Variants in HSF2BP observed in about 807,000 individuals in gnomAD.
HSF2BP encodes the protein heat shock factor 2-binding protein.
HSF2BP carries 35 observed loss-of-function variants against 35.0 expected under a neutral mutation model. The ratio of observed to expected loss-of-function variants is 1.00; its 90% CI spans 0.76 to 1.32. The LOEUF (loss-of-function observed/expected upper bound fraction) is 1.32, where lower values mean the gene tolerates loss of function less well. Ranked by LOEUF, HSF2BP falls within the 40% of genes most tolerant of loss-of-function variation. The probability of loss-of-function intolerance (pLI) is 0.00; values close to 1 mark genes in which losing one functional copy is unlikely to be tolerated. For synonymous variants in HSF2BP, 114 were observed against 117.4 expected, an observed-to-expected ratio of 0.97 and a Z score of 0.18; for missense variants, 326 against 321.7, an observed-to-expected ratio of 1.01 and a Z score of -0.10.
intron 8 of HSF2BP, among the ~76,000 whole-genome samples, chr21:43,573,086 C>T (rs1054984950): frequency 6.6e-6 from 1 of 152,176 alleles, no homozygotes; most frequent in Non-Finnish European, 1.5e-5. Flanking sequence ...AATGAAAGAA[C>T]GTGTGTGTCC....
chr21:43,631,574 C>T (rs1241253951), intron 5 of HSF2BP, among the ~76,000 whole-genome samples: 3 of 152,128 alleles, frequency 2.0e-5, no homozygotes, highest in Non-Finnish European at 4.4e-5. Context: ...TAAAATTCTG[C>T]TCTTATCCTA....
the HSF2BP span, among the ~76,000 whole-genome samples, chr21:43,498,484 ACTGGCC>A: frequency 3.4e-3 from 140 of 40,794 alleles, 5 homozygotes; most frequent in Middle Eastern, 9.6e-3. Flanking sequence ...AGACACAGCC[ACTGGCC>A]CTGGCCCTGG....
intron 6 of HSF2BP, among the ~76,000 whole-genome samples, chr21:43,617,670 G>A (rs1457742199): frequency 6.6e-6 from 1 of 151,832 alleles, no homozygotes; most frequent in Admixed American, 6.6e-5. Context: ...TTCAAGAAAT[G>A]GGGCCAGGTA....
intron 6 of HSF2BP, among the ~76,000 whole-genome samples, chr21:43,623,862 T>A (rs1367793827): frequency 6.6e-6 from 1 of 152,154 alleles, no homozygotes; most frequent in Non-Finnish European, 1.5e-5. Flanking sequence ...CAAACTAACC[T>A]CACCTTTCAG....
At chr21:43,640,727 C>T (rs1382866581) in intron 4 of HSF2BP, among the ~76,000 whole-genome samples, 8 of 151,784 alleles carry the variant, frequency 5.3e-5, no homozygotes, top group Non-Finnish European at 1.2e-4. Flanking sequence ...CTTTTTGAAA[C>T]TTCTAGTGAA....
intron 8 of HSF2BP, among the ~76,000 whole-genome samples, chr21:43,579,354 G>A (rs186928160): frequency 1.2e-4 from 19 of 152,078 alleles, no homozygotes; most frequent in African/African-American, 3.9e-4. Context: ...GTGGCTTACA[G>A]TAAAACAAAC....
At chr21:43,588,138 G>C (rs1260173542) in intron 8 of HSF2BP, among the ~76,000 whole-genome samples, 1 of 152,178 alleles carries the variant, frequency 6.6e-6, no homozygotes, top group Non-Finnish European at 1.5e-5. Flanking sequence ...GGCACTCCGA[G>C]AGGCCGAGGC....
intron 4 of HSF2BP, among the ~76,000 whole-genome samples, chr21:43,639,956 T>C (rs963504751): frequency 6.6e-6 from 1 of 152,154 alleles, no homozygotes; most frequent in African/African-American, 2.4e-5. Flanking sequence ...CCATGGAATA[T>C]GAGGCAATAA....
At chr21:43,585,792 G>C (rs982086078) in intron 8 of HSF2BP, among the ~76,000 whole-genome samples, 7 of 152,162 alleles carry the variant, frequency 4.6e-5, no homozygotes, top group African/African-American at 1.7e-4. Flanking sequence ...ATCACTCGAA[G>C]GTTTTTTAAA....
intron 4 of HSF2BP, among the ~76,000 whole-genome samples, chr21:43,637,701 A>T (rs1446194413): frequency 6.6e-6 from 1 of 151,702 alleles, no homozygotes; most frequent in East Asian, 1.9e-4. Flanking sequence ...TAGACTCAGG[A>T]GGTTCAGGCA....
At chr21:43,507,234 G>A in the HSF2BP span, among the ~76,000 whole-genome samples, 2 of 122,544 alleles carry the variant, frequency 1.6e-5, 1 homozygote. Context: ...AGACAGAGCT[G>A]GAGTCCTTTA....
chr21:43,645,074 G>C (rs963818767), intron 3 of HSF2BP, among the ~76,000 whole-genome samples: 1 of 152,040 alleles, frequency 6.6e-6, no homozygotes, highest in African/African-American at 2.4e-5. Context: ...ACTGACACTC[G>C]AAAAAACAAA....
Position 43,644,302 on chromosome 21 carries a change from A to T in HSF2BP, c.278T>A (p.Ile93Lys), listed in dbSNP as rs1201726111. The T allele has an allele frequency of 3.7e-6, 6 of 1,613,570 alleles. No homozygotes were observed. The African/African-American group carries it at 6.7e-5, about 18-fold the overall frequency. ...TGAGCATGGTACCTTCTTCTCTCTT[A>T]TGTTGTCGGCCTGCACGGTTTCCAG... ...ARLETVQADN[I>K]REKKEKLALR... is the part of the protein sequence containing the mutation. The change falls in exon 4 of 9, where the codon ATA (isoleucine) becomes AAA (lysine). Residue 93 changes from isoleucine (I) to lysine (K), a missense_variant. Ile to Lys is a moderately radical substitution (Grantham distance 102). Transcript: ENST00000291560.
chr21:43,636,984 C>G (rs1361226766), intron 4 of HSF2BP, among the ~76,000 whole-genome samples: 2 of 150,882 alleles, frequency 1.3e-5, no homozygotes, highest in Non-Finnish European at 3.0e-5. Flanking sequence ...TGGCATTATT[C>G]ATAACAGTCA....
At chr21:43,601,365 T>C (rs2082049742) in intron 7 of HSF2BP, among the ~76,000 whole-genome samples, 1 of 152,208 alleles carries the variant, frequency 6.6e-6, no homozygotes, top group South Asian at 2.1e-4. Context: ...TATAATTTGC[T>C]TTCCCCTGAT....
At position 43,592,014 on chromosome 21, in the gene HSF2BP, A is replaced by G. The variant is rs560670895; in HGVS notation, c.796+211T>C. Among the ~76,000 whole-genome samples the G allele has an allele frequency of 1.2e-4, 19 of 152,292 alleles. No individual in the cohort carries two copies. In the South Asian group the frequency reaches 3.9e-3, roughly 32 times the overall value. ...CTTATTATTATAATTGTTCTATTTT[A>G]TTATTAGTTGTTGATAACCTCTATG... On this transcript the variant is annotated intron_variant, in intron 8 of 8. Coordinates refer to ENST00000291560, the MANE Select transcript of HSF2BP (RefSeq NM_007031.2).
intron 8 of HSF2BP, among the ~76,000 whole-genome samples, chr21:43,584,408 T>C (rs2081818512): frequency 6.6e-6 from 1 of 152,156 alleles, no homozygotes; most frequent in Admixed American, 6.5e-5. Flanking sequence ...AAGGCAGAGA[T>C]CCCTTTTATT....
At chr21:43,640,346 C>A (rs181637639) in intron 4 of HSF2BP, among the ~76,000 whole-genome samples, 3 of 152,284 alleles carry the variant, frequency 2.0e-5, no homozygotes, top group Middle Eastern at 3.4e-3. Context: ...TTATGACATT[C>A]TTGAGATAAC....
Position 43,604,640 on chromosome 21 carries a change from C to T in HSF2BP, c.692+9190G>A, listed in dbSNP as rs530782860. On this transcript the variant is annotated intron_variant, in intron 7 of 8. Transcript: ENST00000291560. ...TCATACACCACACAATCATACAGCACACACACCACACACACACCACACACA... is the reference window on the plus strand; with the variant it reads ...TCATACACCACACAATCATACAGCATACACACCACACACACACCACACACA... Among the ~76,000 whole-genome samples the T allele has an allele frequency of 4.6e-3, 672 of 145,588 alleles. 2 individuals carry two copies. The highest frequency in any genetic ancestry group is 8.0e-3 in the Non-Finnish European group (529 of 66,380).
Sources: allele counts gnomAD v4.1 joint callset (sites outside exome capture counted in the v4.1 genomes callset), GRCh38; gene constraint gnomAD v4.1.1; transcripts MANE v1.5; gene names NCBI Gene and HGNC (gene_info 2026-07-23, HGNC 2026-07-21).